The following RELL1 variants were observed in gnomAD, a reference collection of about 807,000 sequenced individuals.
RELL1 encodes RELT-like protein 1.
A neutral mutation model predicts 23.0 loss-of-function variants in RELL1; 10 were observed. The ratio of observed to expected loss-of-function variants is 0.43; its 90% confidence interval spans 0.27 to 0.74. The LOEUF (loss-of-function observed/expected upper bound fraction) is 0.74. Among genes scored for constraint, RELL1 ranks in the 30% least tolerant of loss-of-function variants. The pLI is 0.19. For missense variants in RELL1, 315 were observed against 364.4 expected (o/e 0.86, Z 1.10); for synonymous variants, 146 against 146.8 (o/e 0.99, Z 0.04).
chr4:37,640,279 C>T (rs1006924639), intron 3 of RELL1, among the ~76,000 whole-genome samples: 2 of 152,274 alleles, frequency 1.3e-5, no homozygotes, highest in Admixed American at 6.5e-5. Context: ...CTAAATAAGA[C>T]CTCCTGTCAT....
At chr4:37,680,153 ACAAT>A (rs1352272441) in intron 1 of RELL1, among the ~76,000 whole-genome samples, 1 of 152,202 alleles carries the variant, frequency 6.6e-6, no homozygotes, top group Non-Finnish European at 1.5e-5. Flanking sequence ...ACAAATTAAA[ACAAT>A]CAAGGTACCA....
intron 1 of RELL1, among the ~76,000 whole-genome samples, chr4:37,667,126 G>A (rs35199105): frequency 0.13 from 19,638 of 152,066 alleles, 1,628 homozygotes; most frequent in Non-Finnish European, 0.18. Context: ...AACCCTAGAC[G>A]TAGGGAAGTC....
chr4:37,621,188 G>A (rs1719748929), intron 6 of RELL1, among the ~76,000 whole-genome samples: 1 of 152,180 alleles, frequency 6.6e-6, no homozygotes, highest in South Asian at 2.1e-4. Flanking sequence ...CAGGCGCGGT[G>A]GCTTACGCCT....
At chr4:37,665,795 G>A (rs1042474889) in intron 1 of RELL1, among the ~76,000 whole-genome samples, 4 of 152,194 alleles carry the variant, frequency 2.6e-5, no homozygotes, top group Non-Finnish European at 5.9e-5. Context: ...GAGAGCTGGT[G>A]CAGGAAACCA....
chr4:37,640,586 T>C (rs1225258586), intron 3 of RELL1, among the ~76,000 whole-genome samples: 1 of 152,204 alleles, frequency 6.6e-6, no homozygotes, highest in Non-Finnish European at 1.5e-5. Context: ...GTTCCTGATA[T>C]GAAACACATC....
intron 3 of RELL1, among the ~76,000 whole-genome samples, chr4:37,639,568 C>A (rs1044806680): frequency 6.6e-5 from 10 of 151,918 alleles, no homozygotes; most frequent in South Asian, 2.1e-4. Flanking sequence ...CAACCCACAC[C>A]CACATCCACA....
At chr4:37,597,693 G>C (rs895627181) in intron 6 of RELL1, among the ~76,000 whole-genome samples, 1 of 152,176 alleles carries the variant, frequency 6.6e-6, no homozygotes, top group African/African-American at 2.4e-5. Context: ...AAGGTCCAAG[G>C]TTTTCATGGC....
downstream of RELL1, chr4:37,590,755 T>A: frequency 1.2e-6 from 2 of 1,614,148 alleles, no homozygotes; most frequent in Non-Finnish European, 1.7e-6. Context: ...TACGCCCTTC[T>A]CTGTGAGGAG....
intron 6 of RELL1, among the ~76,000 whole-genome samples, chr4:37,627,088 C>A (rs1719979420): frequency 6.6e-6 from 1 of 152,164 alleles, no homozygotes. Flanking sequence ...CTCAATTTAG[C>A]CATCGCAGTG....
Position 37,630,356 on chromosome 4 carries a change from G to GTTTTT in RELL1, c.*3+1024_*3+1028dup, listed in dbSNP as rs59763359. The stretch of plus-strand genomic sequence containing the variant: ...CAGGGTTCTGGTGCGTGTGTGTGTG[G>GTTTTT]TTTTTTTTTTTTTTTTTTTTTTTTT... On this transcript the variant is annotated intron_variant, in intron 6 of 6. Transcript: ENST00000454158. Among the ~76,000 whole-genome samples the GTTTTT allele has an allele frequency of 1.2e-4, 10 of 86,734 alleles. 1 individual carries two copies. The highest frequency in any genetic ancestry group is 2.4e-4 in the African/African-American group (5 of 20,748). The allele number at this position is 86,734 out of a possible 152,430, so 56.9% of individuals were successfully genotyped here. A position where few individuals can be genotyped will look rare whatever the true frequency, so the allele number is the denominator to read the frequency against.
chr4:37,628,402 A>G (rs1035474037), intron 6 of RELL1, among the ~76,000 whole-genome samples: 1 of 152,226 alleles, frequency 6.6e-6, no homozygotes, highest in African/African-American at 2.4e-5. Context: ...GAAATTAGCT[A>G]ATACACGGAA....
chr4:37,672,244 G>A (rs766546257), intron 1 of RELL1, among the ~76,000 whole-genome samples: 11 of 152,048 alleles, frequency 7.2e-5, no homozygotes, highest in Middle Eastern at 3.4e-3. Flanking sequence ...TGGTTCCTCC[G>A]GCAACTAGTC....
At chr4:37,626,152 A>G (rs1017723550) in intron 6 of RELL1, among the ~76,000 whole-genome samples, 3 of 152,234 alleles carry the variant, frequency 2.0e-5, no homozygotes, top group Admixed American at 6.5e-5. Flanking sequence ...TATTACAGTC[A>G]TCATGGAAAA....
chr4:37,607,893 C>T (rs1719272069), downstream of RELL1, among the ~76,000 whole-genome samples: 1 of 152,152 alleles, frequency 6.6e-6, no homozygotes, highest in African/African-American at 2.4e-5. Flanking sequence ...CAGCCATCAG[C>T]ACCACTTTTC....
At position 37,634,735 on chromosome 4, in the gene RELL1, C is replaced by A. The variant is rs1026576687; in HGVS notation, c.680+152G>T. On this transcript the variant is annotated intron_variant, in intron 5 of 6. Coordinates refer to ENST00000454158, the MANE Select transcript of RELL1 (RefSeq NM_001085400.2). ...AGGATTCTTCTGTTGTTGGAAAAAT[C>A]TAGGACTCACACCAGAAAACATCTA... 101 of 688,360 alleles carry A rather than the reference C, an allele frequency of 1.5e-4. 1 individual carries two copies. The highest frequency in any genetic ancestry group is 1.0e-4 in the East Asian group (4 of 38,330). 42.6% of individuals were successfully genotyped at this position (688,360 alleles called of 1,614,324 possible).
At chr4:37,630,634 G>A (rs1720098877) in intron 6 of RELL1, among the ~76,000 whole-genome samples, 1 of 151,794 alleles carries the variant, frequency 6.6e-6, no homozygotes, top group African/African-American at 2.4e-5. Context: ...CAAAGTGCTG[G>A]GATTACATGG....
downstream of RELL1, among the ~76,000 whole-genome samples, chr4:37,589,855 C>T (rs568423817): frequency 2.9e-4 from 44 of 152,330 alleles, no homozygotes; most frequent in Admixed American, 9.8e-4. Flanking sequence ...TGGTCTCGAA[C>T]TCCTGACCTC....
chr4:37,646,878 C>A (rs141164047), intron 3 of RELL1, among the ~76,000 whole-genome samples: 84 of 152,190 alleles, frequency 5.5e-4, no homozygotes, highest in African/African-American at 1.9e-3. Flanking sequence ...TAGGAATGTG[C>A]CACCATGCCT....
chr4:37,680,215 A>C (rs951115734), intron 1 of RELL1, among the ~76,000 whole-genome samples: 4 of 152,226 alleles, frequency 2.6e-5, no homozygotes, highest in Non-Finnish European at 5.9e-5. Flanking sequence ...GAAAATAACA[A>C]GAATATGAAA....
Sources: gnomAD v4.1 joint callset for allele counts (sites outside exome capture counted in the v4.1 genomes callset) on GRCh38, gnomAD v4.1.1 for gene constraint, MANE v1.5 for transcripts, NCBI Gene and HGNC (gene_info 2026-07-23, HGNC 2026-07-21) for gene names.